LPIN1: variants seen among roughly 807,000 people sequenced by gnomAD.
LPIN1 encodes the protein phosphatidate phosphatase LPIN1.
In LPIN1, 71 loss-of-function variants were observed where a neutral mutation model predicts 107.5. The ratio of observed to expected loss-of-function variants is 0.66; its 90% CI spans 0.55 to 0.80. The LOEUF is 0.80. Among genes scored for constraint, LPIN1 ranks in the 30% least tolerant of loss-of-function variants. The pLI is 0.00. For missense variants in LPIN1, 1,043 were observed against 1,160.6 expected (o/e 0.90, Z 1.47); for synonymous variants, 445 against 452.6 (o/e 0.98, Z 0.21).
At chr2:11,769,890 G>A (rs1001933000) in intron 3 of LPIN1, among the ~76,000 whole-genome samples, 6 of 152,200 alleles carry the variant, frequency 3.9e-5, no homozygotes, top group Non-Finnish European at 5.9e-5. Flanking sequence ...TAAAGCAAGT[G>A]TCCATAATTG....
chr2:11,724,333 T>G, upstream of LPIN1: 1 of 985,716 alleles, frequency 1.0e-6, no homozygotes, highest in Non-Finnish European at 1.2e-6. Flanking sequence ...GGAGAGCCCA[T>G]GCGCAGGGCA....
At chr2:11,696,988 G>C (rs1387969431) in intron 1 of LPIN1, among the ~76,000 whole-genome samples, 1 of 152,242 alleles carries the variant, frequency 6.6e-6, no homozygotes, top group Non-Finnish European at 1.5e-5. Flanking sequence ...CATCTGTGGT[G>C]TGGGCCTGGG....
chr2:11,815,665 CTCCTTAGGGA>C (rs1328684688), intron 18 of LPIN1, among the ~76,000 whole-genome samples: 4 of 152,106 alleles, frequency 2.6e-5, no homozygotes, highest in African/African-American at 9.7e-5. Flanking sequence ...TCTATCTCAT[CTCCTTAGGGA>C]TCCTTAAGTG....
At chr2:11,728,334 A>G (rs1664864899) in intron 1 of LPIN1, among the ~76,000 whole-genome samples, 1 of 152,028 alleles carries the variant, frequency 6.6e-6, no homozygotes, top group East Asian at 1.9e-4. Flanking sequence ...TGGTATATTC[A>G]TTGTGATTTT....
chr2:11,811,402 A>G (rs916798077), intron 17 of LPIN1, among the ~76,000 whole-genome samples: 3 of 152,218 alleles, frequency 2.0e-5, no homozygotes, highest in African/African-American at 7.2e-5. Flanking sequence ...TGTTGAAGGC[A>G]GGAGGGAAGG....
intron 17 of LPIN1, chr2:11,805,381 T>C (rs1678496472): frequency 3.2e-6 from 2 of 620,896 alleles, no homozygotes; most frequent in South Asian, 3.7e-5. Flanking sequence ...GGGCGAAGTA[T>C]AGGGGAATTG....
intron 1 of LPIN1, among the ~76,000 whole-genome samples, chr2:11,753,542 G>A (rs1050443908): frequency 6.6e-6 from 1 of 152,240 alleles, no homozygotes; most frequent in Non-Finnish European, 1.5e-5. Flanking sequence ...GCAGAGGGCA[G>A]CAGCTGCCTA....
chr2:11,763,518 G>A (rs981039397), intron 1 of LPIN1, among the ~76,000 whole-genome samples: 2 of 152,128 alleles, frequency 1.3e-5, no homozygotes, highest in African/African-American at 2.4e-5. Flanking sequence ...CCTCTTTTTC[G>A]TCTGTCCCTA....
intron 1 of LPIN1, among the ~76,000 whole-genome samples, chr2:11,739,513 G>A (rs1454959200): frequency 6.6e-6 from 1 of 152,244 alleles, no homozygotes. Flanking sequence ...AAAAGTAGAA[G>A]AGAATTGCCT....
At chr2:11,749,807 G>A (rs1313204711) in intron 1 of LPIN1, among the ~76,000 whole-genome samples, 1 of 152,184 alleles carries the variant, frequency 6.6e-6, no homozygotes, top group East Asian at 1.9e-4. Context: ...TCACACCGGT[G>A]GTCATGGCTA....
upstream of LPIN1, among the ~76,000 whole-genome samples, chr2:11,743,558 A>G (rs1307564043): frequency 1.3e-5 from 2 of 152,082 alleles, no homozygotes; most frequent in Non-Finnish European, 1.5e-5. This position sits in a 1 kb window ranked among gnomAD's most constrained non-coding sequence, Gnocchi z 4.7. Flanking sequence ...TGCGCAGGAC[A>G]AAGTCACCTC....
intron 16 of LPIN1, 86 bp from the exon 17 acceptor site, chr2:11,804,984 T>G (rs1310866616): frequency 1.3e-4 from 63 of 483,426 alleles, no homozygotes; most frequent in South Asian, 5.1e-4. Flanking sequence ...TTGTTTGTGT[T>G]TTTTTTTTTT....
chr2:11,752,432 C>CTTTTTTTTTT (rs1354955148), intron 1 of LPIN1, among the ~76,000 whole-genome samples: 68 of 82,622 alleles, frequency 8.2e-4, no homozygotes, highest in African/African-American at 4.6e-3. Context: ...GTTCCAAGGC[C>CTTTTTTTTTT]ATTTTTTTTT....
chr2:11,780,893 G>T (rs1673473438), intron 7 of LPIN1, among the ~76,000 whole-genome samples: 1 of 152,152 alleles, frequency 6.6e-6, no homozygotes, highest in Non-Finnish European at 1.5e-5. Flanking sequence ...CCCTATCTTG[G>T]ATATGCAGTG....
At chr2:11,704,068 T>A (rs1024558391) in intron 1 of LPIN1, among the ~76,000 whole-genome samples, 5 of 152,216 alleles carry the variant, frequency 3.3e-5, no homozygotes, top group African/African-American at 1.2e-4. Context: ...TGGCATCTCA[T>A]GGTAGTCAGA....
At chr2:11,686,210 C>T (rs1661991689) in intron 1 of LPIN1, among the ~76,000 whole-genome samples, 1 of 152,164 alleles carries the variant, frequency 6.6e-6, no homozygotes, top group South Asian at 2.1e-4. Context: ...CTTTGGTGAG[C>T]TTTGGCCTGT....
At chr2:11,783,209 C>T (rs62113357) in intron 8 of LPIN1, among the ~76,000 whole-genome samples, 10,263 of 152,314 alleles carry the variant, frequency 0.067, 483 homozygotes, top group Middle Eastern at 0.14. Flanking sequence ...TTGAAGTCAT[C>T]ATGGCCAGTG....
At chr2:11,693,800 A>ATGTG (rs1662399821) in intron 1 of LPIN1, among the ~76,000 whole-genome samples, 2 of 18,668 alleles carry the variant, frequency 1.1e-4, no homozygotes, top group African/African-American at 2.7e-4. Flanking sequence ...ATATATATAT[A>ATGTG]TATATATATA....
At position 11,729,249 on chromosome 2, in the gene LPIN1, G is replaced by A. The variant is rs139039224; in HGVS notation, c.-72+4710G>A. On this transcript the variant is annotated intron_variant, in intron 1 of 21. Transcript: ENST00000396097. ...TTGATAGGTGCAGCAAACCACCATG[G>A]CACATGTATACCTATGTAACAAACC... is the stretch of plus-strand genomic sequence containing the variant. Among the ~76,000 whole-genome samples, 1,272 of 152,274 alleles carry A rather than the reference G, an allele frequency of 8.4e-3. 16 individuals carry two copies. Among genetic ancestry groups the A allele is most frequent in the African/African-American group, 0.03 (1,227 of 41,556 alleles).
Sources: allele counts gnomAD v4.1 joint callset (sites outside exome capture counted in the v4.1 genomes callset), GRCh38; gene constraint gnomAD v4.1.1; non-coding constraint Gnocchi (gnomAD v3.1); transcripts MANE v1.5; gene names NCBI Gene and HGNC (gene_info 2026-07-23, HGNC 2026-07-21).